VAT1L: variants seen among roughly 807,000 people sequenced by gnomAD.
The protein encoded by VAT1L is putative NADPH-dependent quinone oxidoreductase VAT1L.
VAT1L carries 34 observed loss-of-function variants against 44.1 expected under a neutral mutation model. The ratio of observed to expected loss-of-function variants is 0.77; its 90% CI spans 0.59 to 1.03. VAT1L has a LOEUF of 1.03. Among genes scored for constraint, VAT1L ranks in the 50% least tolerant of loss-of-function variants. VAT1L has a pLI of 0.00. For synonymous variants in VAT1L, 253 were observed against 202.2 expected, an observed-to-expected ratio of 1.25 and a Z score of -2.13; for missense variants, 615 against 538.8, an observed-to-expected ratio of 1.14 and a Z score of -1.40.
At position 77,879,170 on chromosome 16, in the gene VAT1L, C is replaced by G; in HGVS notation, c.828C>G (p.Gly276=). The change falls in exon 6 of 9, where the codon GGC becomes GGG. Residue 276 remains glycine (G), a splice_region_variant and synonymous_variant. Transcript: ENST00000302536. This position sits in a 1 kb window ranked among gnomAD's most constrained non-coding sequence, Gnocchi z 4.1. The part of the protein sequence containing the change: ...LKPLGTYILY[G]SSNMVTGETK... ...AATGTGGGAATCTTTCATTTTCAGGCTCATCCAACATGGTAACTGGAGAGA... is the reference window on the plus strand; with the variant it reads ...AATGTGGGAATCTTTCATTTTCAGGGTCATCCAACATGGTAACTGGAGAGA... 6.2e-7 allele frequency: 1 copy of G among 1,614,094 alleles called. No individual in the cohort carries two copies. Among genetic ancestry groups the G allele is most frequent in the Non-Finnish European group, 8.5e-7 (1 of 1,179,952 alleles).
intron 5 of VAT1L, among the ~76,000 whole-genome samples, chr16:77,878,449 G>C (rs1049645300): frequency 6.6e-6 from 1 of 152,036 alleles, no homozygotes; most frequent in Non-Finnish European, 1.5e-5. Context: ...ACTGTTAAGA[G>C]CTCTCTCATT....
At chr16:77,902,534 A>G (rs576723602) in intron 7 of VAT1L, among the ~76,000 whole-genome samples, 1 of 152,322 alleles carries the variant, frequency 6.6e-6, no homozygotes, top group African/African-American at 2.4e-5. Flanking sequence ...AATACTTTAA[A>G]AGGGAATTTA....
intron 2 of VAT1L, among the ~76,000 whole-genome samples, chr16:77,820,394 A>T (rs2016431481): frequency 6.6e-6 from 1 of 152,210 alleles, no homozygotes; most frequent in African/African-American, 2.4e-5. Context: ...CAGCAAAAAC[A>T]CACATTTAGC....
chr16:77,958,637 T>C (rs1363814634), intron 7 of VAT1L, among the ~76,000 whole-genome samples: 3 of 152,144 alleles, frequency 2.0e-5, no homozygotes, highest in African/African-American at 4.8e-5. Flanking sequence ...TATAATTTGG[T>C]TTCATTATGA....
intron 2 of VAT1L, among the ~76,000 whole-genome samples, chr16:77,822,343 A>G (rs1275833569): frequency 6.6e-6 from 1 of 152,026 alleles, no homozygotes; most frequent in Non-Finnish European, 1.5e-5. Flanking sequence ...CATACTGATC[A>G]GGCTGGGCTT....
intron 7 of VAT1L, among the ~76,000 whole-genome samples, chr16:77,935,870 A>C (rs1463787893): frequency 6.6e-6 from 1 of 152,186 alleles, no homozygotes; most frequent in Non-Finnish European, 1.5e-5. Flanking sequence ...ACCTGTTTGC[A>C]GGGCTATTGG....
chr16:77,886,280 C>T (rs2017208385), intron 7 of VAT1L, among the ~76,000 whole-genome samples: 2 of 152,122 alleles, frequency 1.3e-5, no homozygotes, highest in African/African-American at 2.4e-5. Context: ...ATGGTATTCA[C>T]TATCATATCT....
chr16:77,955,876 A>G (rs1231859952), intron 7 of VAT1L, among the ~76,000 whole-genome samples: 1 of 152,132 alleles, frequency 6.6e-6, no homozygotes, highest in Admixed American at 6.5e-5. Flanking sequence ...TTCGCTCTCC[A>G]TTGCTTCCAA....
chr16:77,839,776 C>A (rs2016685174), intron 3 of VAT1L, among the ~76,000 whole-genome samples: 1 of 152,062 alleles, frequency 6.6e-6, no homozygotes, highest in Admixed American at 6.6e-5. Context: ...GCACTTAGAA[C>A]AGAACCTGAT....
chr16:77,817,378 T>C (rs933194536), intron 2 of VAT1L, among the ~76,000 whole-genome samples: 1 of 152,190 alleles, frequency 6.6e-6, no homozygotes, highest in Non-Finnish European at 1.5e-5. Context: ...GGAACTCTCA[T>C]TTTCTGATCA....
chr16:77,963,759 G>C (rs371235512), intron 7 of VAT1L, among the ~76,000 whole-genome samples: 2 of 152,130 alleles, frequency 1.3e-5, no homozygotes, highest in African/African-American at 2.4e-5. Context: ...TCACAGGAAA[G>C]GCATATGCAT....
chr16:77,908,966 G>A (rs969554012), intron 7 of VAT1L, among the ~76,000 whole-genome samples: 5 of 152,152 alleles, frequency 3.3e-5, no homozygotes, highest in Admixed American at 1.3e-4. Context: ...TAGGAGGAAA[G>A]AGAGAAGCAG....
chr16:77,805,068 C>G lies in VAT1L; in HGVS notation c.234-11853C>G, dbSNP rs531968278. Among the ~76,000 whole-genome samples the G allele has an allele frequency of 5.9e-5, 9 of 152,240 alleles. No homozygotes were observed. The South Asian group carries it at 1.5e-3, about 25-fold the overall frequency. On this transcript the variant is annotated intron_variant, in intron 1 of 8. Transcript: ENST00000302536. Reference sequence around the variant, plus strand: ...GGGACCAGTGTCAAGAGCCATGAGCCAGCAGTGTGGGAAGGGAGTCTGAGC... The same window carrying G: ...GGGACCAGTGTCAAGAGCCATGAGCGAGCAGTGTGGGAAGGGAGTCTGAGC...
chr16:77,915,814 T>C (rs549709314), intron 7 of VAT1L, among the ~76,000 whole-genome samples: 9 of 152,238 alleles, frequency 5.9e-5, no homozygotes, highest in African/African-American at 2.2e-4. Flanking sequence ...ATATACAAGA[T>C]GTGTATTTGG....
chr16:77,793,536 A>C (rs1248552570), intron 1 of VAT1L, among the ~76,000 whole-genome samples: 2 of 152,080 alleles, frequency 1.3e-5, no homozygotes, highest in Non-Finnish European at 2.9e-5. Flanking sequence ...GGCTGCTAGG[A>C]TTTTAGGCTG....
intron 7 of VAT1L, among the ~76,000 whole-genome samples, chr16:77,899,649 A>C (rs1250537424): frequency 6.6e-6 from 1 of 152,210 alleles, no homozygotes; most frequent in African/African-American, 2.4e-5. Flanking sequence ...GTTATCATTC[A>C]GTGAGTTTGC....
chr16:77,835,605 G>A (rs187447516), intron 3 of VAT1L, among the ~76,000 whole-genome samples: 2 of 152,206 alleles, frequency 1.3e-5, no homozygotes, highest in East Asian at 1.9e-4. Flanking sequence ...GGGTGTGGTC[G>A]CTCACACCTG....
intron 7 of VAT1L, among the ~76,000 whole-genome samples, chr16:77,950,171 G>C (rs906687464): frequency 6.6e-6 from 1 of 152,190 alleles, no homozygotes; most frequent in African/African-American, 2.4e-5. Context: ...CATTTTGGGA[G>C]GCCAAGGCAG....
chr16:77,874,507 C>A (rs1437757991), intron 4 of VAT1L, among the ~76,000 whole-genome samples: 2 of 152,144 alleles, frequency 1.3e-5, no homozygotes, highest in Non-Finnish European at 2.9e-5. Flanking sequence ...TCCAGCCACA[C>A]TGGCTGCTTC....
Sources: gnomAD v4.1 joint callset for allele counts (sites outside exome capture counted in the v4.1 genomes callset) on GRCh38, gnomAD v4.1.1 for gene constraint, Gnocchi (gnomAD v3.1) non-coding constraint, MANE v1.5 for transcripts, NCBI Gene and HGNC (gene_info 2026-07-23, HGNC 2026-07-21) for gene names.